Variants in TMEM167A observed in about 807,000 individuals in gnomAD.
TMEM167A encodes protein kish-A.
In TMEM167A, 8 loss-of-function variants were observed where a neutral mutation model predicts 11.6. The observed-to-expected ratio is 0.69, with a 90% CI of 0.40 to 1.24. TMEM167A has a LOEUF of 1.24. Ranked by LOEUF, TMEM167A falls within the 50% of genes most tolerant of loss-of-function variation. The pLI is 0.01. For missense variants in TMEM167A, 62 were observed against 87.0 expected (o/e 0.71, Z 1.14); for synonymous variants, 22 against 28.0 (o/e 0.79, Z 0.67).
chr5:83,057,755 T>G (rs902010133), intron 3 of TMEM167A, among the ~76,000 whole-genome samples: 1 of 152,130 alleles, frequency 6.6e-6, no homozygotes, highest in Non-Finnish European at 1.5e-5. Flanking sequence ...AAAGTAGAAC[T>G]AAAACTAACC....
chr5:83,076,127 A>G (rs1364808049), intron 1 of TMEM167A, among the ~76,000 whole-genome samples: 4 of 152,244 alleles, frequency 2.6e-5, no homozygotes, highest in South Asian at 4.1e-4. Flanking sequence ...TACTGGCTTT[A>G]CAATCTACTA....
intron 3 of TMEM167A, 101 bp from the exon 4 acceptor site, chr5:83,057,255 G>A: frequency 8.9e-7 from 1 of 1,126,266 alleles, no homozygotes; most frequent in South Asian, 1.3e-5. Context: ...TTCTTCCCTA[G>A]GAGGCCCGCA....
At chr5:83,069,681 A>C (rs1480261659) in intron 1 of TMEM167A, among the ~76,000 whole-genome samples, 2 of 152,112 alleles carry the variant, frequency 1.3e-5, no homozygotes, top group Non-Finnish European at 2.9e-5. Context: ...ATACATACAC[A>C]TAACAATGTG....
At position 83,077,379 on chromosome 5, in the gene TMEM167A, G is replaced by T. The variant is rs1384438365; in HGVS notation, c.-56C>A. The T allele has an allele frequency of 6.2e-7, 1 of 1,613,740 alleles. No individual in the cohort carries two copies. Among genetic ancestry groups the T allele is most frequent in the Non-Finnish European group, 8.5e-7 (1 of 1,179,764 alleles). On this transcript the variant is annotated 5_prime_UTR_variant, in exon 1 of 4. Coordinates refer to ENST00000502346, the MANE Select transcript of TMEM167A (RefSeq NM_174909.5). Reference sequence around the variant, plus strand: ...CCCTTCCGGGGCTCAGGCGGAAGAGGCTGCATGTCCCGTCTGCCCTTCTCG... The same window carrying T: ...CCCTTCCGGGGCTCAGGCGGAAGAGTCTGCATGTCCCGTCTGCCCTTCTCG...
Position 83,067,052 on chromosome 5 carries a change from G to GT in TMEM167A, c.4-1936dup, listed in dbSNP as rs940489832. 9.9e-4 allele frequency among the ~76,000 whole-genome samples: 150 copies of GT among 151,476 alleles called. No individual in the cohort carries two copies. In the Middle Eastern group the frequency reaches 0.014, roughly 14 times the overall value. ...TTTCTTAACCAATTACCCAATTTCAGTTTTTTTTTAAATAGCAACATAACA... is the reference window on the plus strand; with the variant it reads ...TTTCTTAACCAATTACCCAATTTCAGTTTTTTTTTTAAATAGCAACATAACA... On this transcript the variant is annotated intron_variant, in intron 1 of 3. Transcript: ENST00000502346.
intron 1 of TMEM167A, among the ~76,000 whole-genome samples, chr5:83,074,596 T>A (rs6452503): frequency 0.48 from 73,503 of 151,964 alleles, 18,368 homozygotes; most frequent in African/African-American, 0.58. Flanking sequence ...CAAGTAAAGG[T>A]TCGGAACTGG....
chr5:83,063,739 T>G (rs1321246870), intron 2 of TMEM167A, among the ~76,000 whole-genome samples: 2 of 151,966 alleles, frequency 1.3e-5, no homozygotes, highest in Non-Finnish European at 2.9e-5. Context: ...TTAGTTGATT[T>G]AAAAAATGTA....
At chr5:83,073,949 C>T (rs1005803308) in intron 1 of TMEM167A, among the ~76,000 whole-genome samples, 1 of 152,224 alleles carries the variant, frequency 6.6e-6, no homozygotes, top group Non-Finnish European at 1.5e-5. Context: ...ACCTGAACTA[C>T]AGCACTTGTT....
chr5:83,058,956 A>G (rs1030409206), intron 3 of TMEM167A, among the ~76,000 whole-genome samples: 1 of 152,056 alleles, frequency 6.6e-6, no homozygotes, highest in Non-Finnish European at 1.5e-5. Context: ...TTAAAATTGT[A>G]TCATTTCTTT....
At chr5:83,064,970 G>A (rs747655561) in intron 2 of TMEM167A, 38 bp downstream of exon 2, 2 of 1,160,496 alleles carry the variant, frequency 1.7e-6, no homozygotes, top group Non-Finnish European at 2.5e-6. Context: ...ACATTTGTAA[G>A]AACTAATTTG....
chr5:83,061,636 C>T (rs981395210), intron 3 of TMEM167A, among the ~76,000 whole-genome samples: 3 of 152,188 alleles, frequency 2.0e-5, no homozygotes, highest in African/African-American at 7.2e-5. Context: ...CTCAGGTAAT[C>T]CTCCTGCCTT....
Position 83,056,822 on chromosome 5 carries a change from G to C in TMEM167A, c.*262C>G, listed in dbSNP as rs569130199. On this transcript the variant is annotated 3_prime_UTR_variant, in exon 4 of 4. Coordinates refer to ENST00000502346, the MANE Select transcript of TMEM167A (RefSeq NM_174909.5). Reference sequence around the variant, plus strand: ...GATACCTCACTAAAATTTTGTATCTGATACAACAGAATAACATTTGCAGAA... The same window carrying C: ...GATACCTCACTAAAATTTTGTATCTCATACAACAGAATAACATTTGCAGAA... 1.7e-5 allele frequency: 8 copies of C among 472,134 alleles called. No individual in the cohort carries two copies. Among genetic ancestry groups the C allele is most frequent in the Non-Finnish European group, 2.6e-5 (7 of 265,194 alleles). The allele number at this position is 472,134 out of a possible 1,614,324, so 29.2% of individuals were successfully genotyped here. A position where few individuals can be genotyped will look rare whatever the true frequency, so the allele number is the denominator to read the frequency against.
At chr5:83,070,848 T>A (rs1744549649) in intron 1 of TMEM167A, among the ~76,000 whole-genome samples, 1 of 152,034 alleles carries the variant, frequency 6.6e-6, no homozygotes, top group African/African-American at 2.4e-5. Flanking sequence ...AGGAGATTTT[T>A]AAAAAAGACG....
chr5:83,070,214 T>C (rs1420342932), intron 1 of TMEM167A, among the ~76,000 whole-genome samples: 3 of 151,702 alleles, frequency 2.0e-5, no homozygotes, highest in African/African-American at 7.3e-5. Flanking sequence ...TCTTAAGAGA[T>C]ATACACTTTC....
intron 2 of TMEM167A, among the ~76,000 whole-genome samples, chr5:83,064,721 A>G (rs1172796528): frequency 6.6e-6 from 1 of 152,132 alleles, no homozygotes; most frequent in African/African-American, 2.4e-5. Flanking sequence ...GAGTATTATC[A>G]TAAAAACTGA....
At chr5:83,074,645 GCT>G (rs763635910) in intron 1 of TMEM167A, among the ~76,000 whole-genome samples, 9 of 152,170 alleles carry the variant, frequency 5.9e-5, no homozygotes, top group Non-Finnish European at 1.2e-4. Flanking sequence ...CTAAACCCAT[GCT>G]CTCTCTACTA....
intron 1 of TMEM167A, among the ~76,000 whole-genome samples, chr5:83,073,357 A>T (rs1744591327): frequency 6.6e-6 from 1 of 152,216 alleles, no homozygotes; most frequent in African/African-American, 2.4e-5. Context: ...ATAACAAAAA[A>T]AATTTACCAT....
At chr5:83,063,843 A>G (rs1156619885) in intron 2 of TMEM167A, among the ~76,000 whole-genome samples, 1 of 152,088 alleles carries the variant, frequency 6.6e-6, no homozygotes, top group Non-Finnish European at 1.5e-5. Context: ...ACCATGTAGT[A>G]ATCTTTTTTT....
intron 3 of TMEM167A, 55 bp downstream of exon 3, chr5:83,061,822 T>C: frequency 6.7e-7 from 1 of 1,490,734 alleles, no homozygotes; most frequent in Non-Finnish European, 9.3e-7. Flanking sequence ...ATAACCTAAG[T>C]AAATTGGTCA....
Sources: gnomAD v4.1 joint callset for allele counts (sites outside exome capture counted in the v4.1 genomes callset) on GRCh38, gnomAD v4.1.1 for gene constraint, MANE v1.5 for transcripts, NCBI Gene and HGNC (gene_info 2026-07-23, HGNC 2026-07-21) for gene names.